Variants in ADAMTS9 observed in about 807,000 individuals in gnomAD.
The protein encoded by ADAMTS9 is ADAM metallopeptidase with thrombospondin type 1 motif 9, also known as A disintegrin and metalloproteinase with thrombospondin motifs 9.
ADAMTS9 carries 107 observed loss-of-function variants against 257.1 expected under a neutral mutation model. The observed-to-expected ratio is 0.42, with a 90% CI of 0.36 to 0.49. The LOEUF (loss-of-function observed/expected upper bound fraction) is 0.49, where lower values mean the gene tolerates loss of function less well. Ranked by LOEUF, ADAMTS9 falls within the 20% of genes least tolerant of loss-of-function variation. The probability of loss-of-function intolerance (pLI) is 0.03; values close to 1 mark genes in which losing one functional copy is unlikely to be tolerated. For missense variants in ADAMTS9, 2,353 were observed against 2,469.1 expected, an observed-to-expected ratio of 0.95 and a Z score of 1.00; for synonymous variants, 982 against 880.9, an observed-to-expected ratio of 1.11 and a Z score of -2.03.
intron 3 of ADAMTS9, among the ~76,000 whole-genome samples, chr3:64,666,254 G>A (rs1701352309): frequency 6.6e-6 from 1 of 152,194 alleles, no homozygotes; most frequent in Non-Finnish European, 1.5e-5. Flanking sequence ...GTTATTCAGT[G>A]GTTACTCACT....
At chr3:64,518,440 T>C (rs1318519456) in intron 39 of ADAMTS9, among the ~76,000 whole-genome samples, 2 of 152,092 alleles carry the variant, frequency 1.3e-5, no homozygotes, top group Non-Finnish European at 2.9e-5. Context: ...GCTGAAGACA[T>C]GGGGATGATA....
intron 20 of ADAMTS9, 21 bp downstream of exon 20, chr3:64,615,934 GACTCT>G (rs1378278366): frequency 6.2e-7 from 1 of 1,611,530 alleles, no homozygotes; most frequent in African/African-American, 1.3e-5. Context: ...CATCCAAGAA[GACTCT>G]TTGAGTGAGA....
rs1389278844 is a variant in ADAMTS9 at position 64,655,655 on chromosome 3, A to G, written c.1090T>C (p.Leu364=). The change falls in exon 6 of 40, where the codon TTA becomes CTA. Residue 364 remains leucine (L), a synonymous_variant. Transcript: ENST00000498707. ...TGCTGCCACTGGCAAAAGTTTTTTA[A>G]TGTTGTCTGAGCATTAAAAGATATG... The part of the protein sequence containing the change: ...PSISFNAQTT[L]KNFCQWQHSK... 6.2e-7 allele frequency: 1 copy of G among 1,614,074 alleles called. No individual in the cohort carries two copies. The highest frequency in any genetic ancestry group is 8.5e-7 in the Non-Finnish European group (1 of 1,180,028).
intron 3 of ADAMTS9, among the ~76,000 whole-genome samples, chr3:64,667,126 T>C (rs774664822): frequency 2.0e-5 from 3 of 152,148 alleles, no homozygotes; most frequent in Non-Finnish European, 4.4e-5. Context: ...GCAGAAGAGA[T>C]TGTGGCTAAG....
At position 64,651,025 on chromosome 3, in the gene ADAMTS9, C is replaced by A; in HGVS notation, c.1455G>T (p.Glu485Asp). Reference protein sequence around the residue: ...WSKCSRKYITEFLDTGYGECL... With the variant: ...WSKCSRKYITDFLDTGYGECL... ...GAATGTTCAAGTCTTACTCTAAAAA[C>A]TCAGTGATATATTTTCGACTACACT... Residue 485 changes from glutamate (E) to aspartate (D), a missense_variant, in exon 9 of 40, where the codon GAG becomes GAT. This residue lies in a region of ADAMTS9 where 360 missense variants were observed against 458.1 expected (regional missense o/e 0.79). Transcript: ENST00000498707. 1 of 1,603,412 alleles carries A rather than the reference C, an allele frequency of 6.2e-7. No homozygotes were observed. The highest frequency in any genetic ancestry group is 2.3e-5 in the East Asian group (1 of 43,946).
At chr3:64,674,953 C>T (rs1701591401) in intron 3 of ADAMTS9, among the ~76,000 whole-genome samples, 1 of 152,132 alleles carries the variant, frequency 6.6e-6, no homozygotes, top group Non-Finnish European at 1.5e-5. Flanking sequence ...GACACAAGGC[C>T]TCTGTGAGTC....
At chr3:64,662,307 A>G (rs1459868589) in intron 3 of ADAMTS9, among the ~76,000 whole-genome samples, 1 of 152,036 alleles carries the variant, frequency 6.6e-6, no homozygotes, top group African/African-American at 2.4e-5. Context: ...AACGTATTGA[A>G]ATTTGTTTTA....
chr3:64,623,238 C>T (rs1012962399), intron 16 of ADAMTS9, among the ~76,000 whole-genome samples: 5 of 152,208 alleles, frequency 3.3e-5, no homozygotes, highest in African/African-American at 1.2e-4. Flanking sequence ...GCAGAAACAA[C>T]AGAACCTGAC....
chr3:64,531,323 C>T (rs1413312056), intron 38 of ADAMTS9, among the ~76,000 whole-genome samples: 1 of 151,958 alleles, frequency 6.6e-6, no homozygotes, highest in Non-Finnish European at 1.5e-5. Context: ...GAAGTATTTG[C>T]AATAGGGTTT....
At chr3:64,647,224 T>C (rs1559808984) in intron 11 of ADAMTS9, among the ~76,000 whole-genome samples, 1 of 152,116 alleles carries the variant, frequency 6.6e-6, no homozygotes, top group South Asian at 2.1e-4. Context: ...TCAAGATTTA[T>C]ATCTAAAACT....
chr3:64,518,494 C>T (rs17070901), intron 39 of ADAMTS9, among the ~76,000 whole-genome samples: 2,259 of 152,238 alleles, frequency 0.015, 45 homozygotes, highest in African/African-American at 0.052. Flanking sequence ...GAAGAATCAC[C>T]TTCTGGCATA....
At chr3:64,619,856 T>G (rs1045098877) in intron 19 of ADAMTS9, among the ~76,000 whole-genome samples, 3 of 152,170 alleles carry the variant, frequency 2.0e-5, no homozygotes, top group Non-Finnish European at 4.4e-5. Context: ...CAAACTGTAG[T>G]GATTAATTCA....
At chr3:64,613,577 A>C (rs2084707212) in intron 21 of ADAMTS9, 68 bp from the exon 22 acceptor site, 1 of 1,493,238 alleles carries the variant, frequency 6.7e-7, no homozygotes, top group Non-Finnish European at 9.0e-7. Context: ...GGGGTTATTT[A>C]TTGATGAGTA....
chr3:64,681,095 T>G, intron 3 of ADAMTS9, 106 bp downstream of exon 3: 2 of 1,280,218 alleles, frequency 1.6e-6, no homozygotes, highest in Non-Finnish European at 2.1e-6. Flanking sequence ...TAAACAATAA[T>G]GCATATGGTT....
chr3:64,658,479 C>A, intron 4 of ADAMTS9, 23 bp downstream of exon 4: 2 of 1,597,290 alleles, frequency 1.3e-6, no homozygotes, highest in South Asian at 2.3e-5. Context: ...CCTCATAAAT[C>A]ACCTTCGTTT....
chr3:64,685,933 G>C (rs906202892), intron 2 of ADAMTS9, among the ~76,000 whole-genome samples: 1 of 152,302 alleles, frequency 6.6e-6, no homozygotes, highest in African/African-American at 2.4e-5. Context: ...CAAAGCGTCC[G>C]GGGTAGGCTC....
intron 3 of ADAMTS9, among the ~76,000 whole-genome samples, chr3:64,676,072 G>A (rs1338525121): frequency 6.6e-6 from 1 of 152,160 alleles, no homozygotes; most frequent in African/African-American, 2.4e-5. Flanking sequence ...CAGTCCAACA[G>A]GCACAAGGCA....
chr3:64,561,697 C>G lies in ADAMTS9; in HGVS notation c.4579G>C (p.Gly1527Arg), dbSNP rs755013991. 1.2e-6 allele frequency: 2 copies of G among 1,613,704 alleles called. No homozygotes were observed. Among genetic ancestry groups the G allele is most frequent in the Non-Finnish European group, 1.7e-6 (2 of 1,179,972 alleles). ...VQQRHVGCQI[G>R]THKIARETEC... The stretch of plus-strand genomic sequence containing the variant: ...GTCTCTCTGGCTATTTTGTGTGTTC[C>G]GATCTGACAGCCCACATGCCTCTGC... The change falls in exon 30 of 40, where the codon GGA (glycine) becomes CGA (arginine). Residue 1527 changes from glycine to arginine, a missense_variant. Gly to Arg is a moderately radical substitution (Grantham distance 125). Transcript: ENST00000498707.
intron 28 of ADAMTS9, among the ~76,000 whole-genome samples, chr3:64,590,753 C>T (rs1173379461): frequency 6.6e-6 from 1 of 152,136 alleles, no homozygotes; most frequent in East Asian, 1.9e-4. Flanking sequence ...ATTCTCATTA[C>T]TTGGGTCGAC....
Sources: allele counts gnomAD v4.1 joint callset (sites outside exome capture counted in the v4.1 genomes callset), GRCh38; gene constraint gnomAD v4.1.1; regional missense constraint gnomAD v4.1.1; transcripts MANE v1.5; gene names NCBI Gene and HGNC (gene_info 2026-07-23, HGNC 2026-07-21).